MTUS2: variants seen among roughly 807,000 people sequenced by gnomAD.
MTUS2 encodes microtubule associated scaffold protein 2.
A neutral mutation model predicts 114.1 loss-of-function variants in MTUS2; 40 were observed. The ratio of observed to expected loss-of-function variants is 0.35; its 90% CI spans 0.27 to 0.46. MTUS2 has a LOEUF of 0.46. Among genes scored for constraint, MTUS2 ranks in the 20% least tolerant of loss-of-function variants. The pLI is 1.00. For synonymous variants in MTUS2, 688 were observed against 672.0 expected (o/e 1.02, Z -0.37); for missense variants, 1,679 against 1,705.4 (o/e 0.98, Z 0.27).
At chr13:29,456,763 GA>G (rs770770836) in intron 9 of MTUS2, among the ~76,000 whole-genome samples, 29 of 152,134 alleles carry the variant, frequency 1.9e-4, no homozygotes, top group Non-Finnish European at 3.8e-4. Context: ...TATATCTTGA[GA>G]AAATATCCTT....
At position 29,440,159 on chromosome 13, in the gene MTUS2, T is replaced by C. The variant is rs1877724299; in HGVS notation, c.3184+110T>C. 5.8e-6 allele frequency: 6 copies of C among 1,039,684 alleles called. No homozygotes were observed. The South Asian group carries it at 7.2e-5, about 13-fold the overall frequency. The allele number at this position is 1,039,684 out of a possible 1,614,324, so 64.4% of individuals were successfully genotyped here. A position where few individuals can be genotyped will look rare whatever the true frequency, so the allele number is the denominator to read the frequency against. ...TGTAATAAGCCAGTGCAAACCTGCC[T>C]AGATGAATGAAGTATCTCACCCAGC... On this transcript the variant is annotated intron_variant, in intron 9 of 15. Transcript: ENST00000612955.
chr13:29,408,968 C>T (rs1875006305), intron 8 of MTUS2, among the ~76,000 whole-genome samples: 1 of 152,198 alleles, frequency 6.6e-6, no homozygotes, highest in Admixed American at 6.5e-5. Flanking sequence ...TATTATTACA[C>T]ACAATATACT....
intron 5 of MTUS2, among the ~76,000 whole-genome samples, chr13:29,195,187 T>G (rs1894632593): frequency 6.6e-6 from 1 of 151,530 alleles, no homozygotes; most frequent in Non-Finnish European, 1.5e-5. Flanking sequence ...GGCACATGTA[T>G]ACATATGTAA....
At chr13:29,433,288 T>C (rs1877145982) in intron 8 of MTUS2, among the ~76,000 whole-genome samples, 1 of 152,232 alleles carries the variant, frequency 6.6e-6, no homozygotes, top group African/African-American at 2.4e-5. Flanking sequence ...TGATTTCTTC[T>C]AATACACGGT....
intron 4 of MTUS2, among the ~76,000 whole-genome samples, chr13:29,091,232 G>T (rs1889932929): frequency 6.6e-6 from 1 of 151,926 alleles, no homozygotes; most frequent in East Asian, 1.9e-4. Context: ...CAGCCATCCT[G>T]CCCCTTTCTC....
At chr13:29,423,579 A>G (rs992988951) in intron 8 of MTUS2, among the ~76,000 whole-genome samples, 1 of 152,254 alleles carries the variant, frequency 6.6e-6, no homozygotes, top group Non-Finnish European at 1.5e-5. Flanking sequence ...GGACTAAAAC[A>G]TATTGTGTAT....
chr13:28,956,323 G>A (rs1161823327), intron 2 of MTUS2, among the ~76,000 whole-genome samples: 1 of 152,050 alleles, frequency 6.6e-6, no homozygotes, highest in Admixed American at 6.6e-5. Flanking sequence ...GCACCGGGTA[G>A]GAGTCTCCCT....
intron 2 of MTUS2, among the ~76,000 whole-genome samples, chr13:28,911,058 G>A (rs913248782): frequency 6.7e-6 from 1 of 149,938 alleles, no homozygotes; most frequent in African/African-American, 2.5e-5. Context: ...TGTATTTTTA[G>A]TAGAGACGGG....
intron 5 of MTUS2, among the ~76,000 whole-genome samples, chr13:29,142,458 C>A (rs1401671178): frequency 3.3e-5 from 5 of 152,122 alleles, no homozygotes; most frequent in South Asian, 2.1e-4. Context: ...AATCCCAGAA[C>A]TTTGGAAGGC....
At chr13:29,266,032 T>C (rs1449475520) in intron 5 of MTUS2, among the ~76,000 whole-genome samples, 1 of 152,058 alleles carries the variant, frequency 6.6e-6, no homozygotes, top group Admixed American at 6.5e-5. Context: ...AGAGTGATCA[T>C]AGTTATCGCC....
At chr13:29,444,705 G>A (rs1216843884) in intron 9 of MTUS2, among the ~76,000 whole-genome samples, 1 of 152,234 alleles carries the variant, frequency 6.6e-6, no homozygotes, top group Non-Finnish European at 1.5e-5. Context: ...ATAAGCCCAG[G>A]AGGGCAGGAT....
At chr13:28,976,153 A>G (rs1311822959) in intron 2 of MTUS2, among the ~76,000 whole-genome samples, 1 of 147,150 alleles carries the variant, frequency 6.8e-6, no homozygotes, top group African/African-American at 2.6e-5. Flanking sequence ...GCAGTGAGCC[A>G]TGATTGCACC....
chr13:28,893,295 A>C (rs2137921695), intron 2 of MTUS2, among the ~76,000 whole-genome samples: 1 of 151,698 alleles, frequency 6.6e-6, no homozygotes, highest in Middle Eastern at 3.4e-3. Flanking sequence ...GGGAAAGAAA[A>C]CCAACAAAAT....
chr13:28,845,046 C>G (rs988218915), intron 2 of MTUS2, among the ~76,000 whole-genome samples: 1 of 152,166 alleles, frequency 6.6e-6, no homozygotes, highest in African/African-American at 2.4e-5. Flanking sequence ...ACCTTGAACT[C>G]CTGAGCTCAA....
At chr13:29,286,680 A>G (rs1053725472) in intron 6 of MTUS2, among the ~76,000 whole-genome samples, 1 of 143,440 alleles carries the variant, frequency 7.0e-6, no homozygotes, top group African/African-American at 3.0e-5. Flanking sequence ...CTGTCTATCT[A>G]TCTATCTATC....
chr13:29,251,941 G>GT (rs2139432893), intron 5 of MTUS2, among the ~76,000 whole-genome samples: 1 of 152,278 alleles, frequency 6.6e-6, no homozygotes, highest in Admixed American at 6.5e-5. Context: ...AGTTCTTTGA[G>GT]TATATACCTA....
At chr13:28,958,378 G>C (rs1883170083) in intron 2 of MTUS2, among the ~76,000 whole-genome samples, 1 of 152,180 alleles carries the variant, frequency 6.6e-6, no homozygotes, top group East Asian at 1.9e-4. Context: ...GGCACTGCAT[G>C]CTATTTAAGA....
intron 2 of MTUS2, among the ~76,000 whole-genome samples, chr13:28,884,247 A>G (rs1204150421): frequency 6.6e-6 from 1 of 152,246 alleles, no homozygotes; most frequent in Admixed American, 6.5e-5. Flanking sequence ...ATTCTGACCT[A>G]TGCTGAGGTA....
At chr13:29,001,983 A>G (rs916234338) in intron 2 of MTUS2, among the ~76,000 whole-genome samples, 10 of 152,180 alleles carry the variant, frequency 6.6e-5, no homozygotes, top group African/African-American at 2.4e-4. Flanking sequence ...TGGAAGAGGT[A>G]TGGAAATGGA....
Sources: allele counts gnomAD v4.1 joint callset (sites outside exome capture counted in the v4.1 genomes callset), GRCh38; gene constraint gnomAD v4.1.1; transcripts MANE v1.5; gene names NCBI Gene and HGNC (gene_info 2026-07-23, HGNC 2026-07-21).